The following CLDN10 variants were observed in gnomAD, a reference collection of about 807,000 sequenced individuals.
CLDN10 encodes claudin-10.
Under a neutral mutation model 22.9 loss-of-function variants are expected in CLDN10, and 15 were observed. The observed-to-expected ratio is 0.65, with a 90% CI of 0.44 to 1.01. The LOEUF is 1.01. CLDN10 is among the 50% of genes least tolerant of loss of function. CLDN10 has a pLI of 0.00. For synonymous variants in CLDN10, 114 were observed against 111.4 expected (o/e 1.02, Z -0.15); for missense variants, 247 against 287.8 (o/e 0.86, Z 1.03).
intron 1 of CLDN10, among the ~76,000 whole-genome samples, chr13:95,449,739 AT>A (rs59868615): frequency 0.25 from 32,978 of 132,718 alleles, 5,809 homozygotes; most frequent in East Asian, 0.48. Flanking sequence ...TAATTTTTAA[AT>A]TTTTTTTTTT....
chr13:95,524,101 T>TA (rs1338467549), intron 1 of CLDN10, among the ~76,000 whole-genome samples: 1 of 151,928 alleles, frequency 6.6e-6, no homozygotes, highest in Non-Finnish European at 1.5e-5. Context: ...TGGCTTTTTT[T>TA]TTTTTTTTGA....
intron 3 of CLDN10, among the ~76,000 whole-genome samples, chr13:95,564,084 G>C (rs892786421): frequency 6.6e-6 from 1 of 152,200 alleles, no homozygotes; most frequent in South Asian, 2.1e-4. Flanking sequence ...GCTTGTGGCA[G>C]GGCCAGTCCT....
chr13:95,464,169 T>C (rs1318944496), intron 1 of CLDN10, among the ~76,000 whole-genome samples: 1 of 151,966 alleles, frequency 6.6e-6, no homozygotes, highest in African/African-American at 2.4e-5. Flanking sequence ...TTGTTACATA[T>C]GTATACATGT....
intron 1 of CLDN10, among the ~76,000 whole-genome samples, chr13:95,500,886 C>T (rs2042977404): frequency 6.6e-6 from 1 of 152,152 alleles, no homozygotes; most frequent in African/African-American, 2.4e-5. Flanking sequence ...TGACACAATT[C>T]TCCTGGGAAA....
At chr13:95,514,452 T>C (rs2043140351) in intron 1 of CLDN10, among the ~76,000 whole-genome samples, 2 of 106,834 alleles carry the variant, frequency 1.9e-5, no homozygotes, top group Non-Finnish European at 3.4e-5. Flanking sequence ...CAACCAATAA[T>C]GGTGGGTAGA....
chr13:95,550,493 C>A (rs771484855), upstream of CLDN10, among the ~76,000 whole-genome samples: 1 of 152,018 alleles, frequency 6.6e-6, no homozygotes, highest in African/African-American at 2.4e-5. Context: ...AGGCGAGCCA[C>A]GGTAAACAAA....
Position 95,560,400 on chromosome 13 carries a change from G to T in CLDN10, c.401G>T (p.Gly134Val), listed in dbSNP as rs1386141417. Residue 134 changes from glycine (G) to valine (V), a missense_variant, in exon 3 of 5, where the codon GGA (glycine) becomes GTA (valine). Gly to Val is a moderately radical substitution (Grantham distance 109). Coordinates refer to ENST00000299339, the MANE Select transcript of CLDN10 (RefSeq NM_006984.5). ...TTGTTAGGGCTGTGCTCAATGACTG[G>T]ATGTTCCCTATATGCAAACAAAATC... ...FILSGLCSMT[G>V]CSLYANKITT... 1.2e-6 allele frequency: 2 copies of T among 1,614,060 alleles called. No homozygotes were observed.
At chr13:95,518,439 GA>G (rs941668216) in intron 1 of CLDN10, among the ~76,000 whole-genome samples, 3 of 151,862 alleles carry the variant, frequency 2.0e-5, no homozygotes, top group African/African-American at 4.8e-5. Flanking sequence ...CAGTCATTAA[GA>G]AAAAAAATCT....
At chr13:95,458,092 A>G (rs867794978) in intron 1 of CLDN10, among the ~76,000 whole-genome samples, 1 of 151,992 alleles carries the variant, frequency 6.6e-6, no homozygotes, top group Non-Finnish European at 1.5e-5. Flanking sequence ...CTACCTGTCT[A>G]CCTCCTAGAA....
rs57500288 is a variant in CLDN10 at position 95,532,792 on chromosome 13, C to CAAAAAAAAAAAAAAAA, written c.215-27333_215-27318dup. Among the ~76,000 whole-genome samples the CAAAAAAAAAAAAAAAA allele has an allele frequency of 2.6e-4, 16 of 62,018 alleles. 2 individuals carry two copies. The highest frequency in any genetic ancestry group is 2.5e-4 in the Admixed American group (1 of 3,960). 40.7% of individuals were successfully genotyped at this position (62,018 alleles called of 152,430 possible). A position where few individuals can be genotyped will look rare whatever the true frequency, so the allele number is the denominator to read the frequency against. On this transcript the variant is annotated intron_variant, in intron 1 of 4. Coordinates refer to the CLDN10 transcript ENST00000376873. ...CTTCAGATACTGGAACTCAATTCAG[C>CAAAAAAAAAAAAAAAA]AAAAAAAAAAAAAAAAAAAAAAGAA... is the stretch of plus-strand genomic sequence containing the variant.
intron 1 of CLDN10, among the ~76,000 whole-genome samples, chr13:95,510,487 G>A (rs1448395960): frequency 6.6e-6 from 1 of 152,188 alleles, no homozygotes; most frequent in East Asian, 1.9e-4. Context: ...TTTGTTTTCT[G>A]TTTTCCCGGG....
At chr13:95,550,194 C>T (rs912274682), upstream of CLDN10, among the ~76,000 whole-genome samples, 9 of 152,170 alleles carry the variant, frequency 5.9e-5, no homozygotes, top group African/African-American at 1.2e-4. Context: ...TATGTTGCAA[C>T]GGTAATCTGG....
intron 3 of CLDN10, among the ~76,000 whole-genome samples, chr13:95,567,346 A>G (rs2043799905): frequency 6.6e-6 from 1 of 152,130 alleles, no homozygotes; most frequent in Non-Finnish European, 1.5e-5. Flanking sequence ...CATCCCTTGT[A>G]AGTTGGATTC....
intron 1 of CLDN10, among the ~76,000 whole-genome samples, chr13:95,524,940 AC>A (rs1341922171): frequency 6.6e-6 from 1 of 151,110 alleles, no homozygotes; most frequent in Admixed American, 6.6e-5. Flanking sequence ...GCTCAACACA[AC>A]CTCCACCCCC....
intron 1 of CLDN10, among the ~76,000 whole-genome samples, chr13:95,522,601 G>A (rs1024804620): frequency 4.6e-5 from 7 of 151,990 alleles, no homozygotes; most frequent in African/African-American, 1.7e-4. Flanking sequence ...GAGATTGCTG[G>A]TAGTGTTTCT....
At chr13:95,495,693 G>A (rs527708834) in intron 1 of CLDN10, among the ~76,000 whole-genome samples, 9 of 140,456 alleles carry the variant, frequency 6.4e-5, no homozygotes, top group Non-Finnish European at 1.1e-4. Context: ...GCAGTGAGCC[G>A]AGATTGCGCC....
chr13:95,558,611 A>C (rs1159349512), intron 1 of CLDN10, among the ~76,000 whole-genome samples: 1 of 152,182 alleles, frequency 6.6e-6, no homozygotes, highest in Non-Finnish European at 1.5e-5. Context: ...TTAAAACTTC[A>C]ATTTCATTCT....
intron 1 of CLDN10, among the ~76,000 whole-genome samples, chr13:95,527,641 C>T (rs75182494): frequency 0.099 from 15,048 of 152,092 alleles, 897 homozygotes; most frequent in Middle Eastern, 0.13. Flanking sequence ...GAGGCTGAGG[C>T]AGGAGAATCA....
At chr13:95,573,697 A>C (rs888121795) in intron 3 of CLDN10, among the ~76,000 whole-genome samples, 14 of 144,016 alleles carry the variant, frequency 9.7e-5, no homozygotes, top group Admixed American at 2.2e-4. Context: ...TGATATTTTT[A>C]AATTTATTTT....
Sources: allele counts gnomAD v4.1 joint callset (sites outside exome capture counted in the v4.1 genomes callset), GRCh38; gene constraint gnomAD v4.1.1; transcripts MANE v1.5; gene names NCBI Gene and HGNC (gene_info 2026-07-23, HGNC 2026-07-21).